KCNQ3: variants seen among roughly 807,000 people sequenced by gnomAD.
KCNQ3 encodes potassium voltage-gated channel subfamily Q member 3, also known as potassium voltage-gated channel subfamily KQT member 3.
In KCNQ3, 30 loss-of-function variants were observed where a neutral mutation model predicts 92.5. The ratio of observed to expected loss-of-function variants is 0.32; its 90% CI spans 0.24 to 0.44. KCNQ3 has a LOEUF of 0.44. KCNQ3 is among the 20% of genes least tolerant of loss of function. The pLI is 1.00. For missense variants in KCNQ3, 913 were observed against 1,140.3 expected, an observed-to-expected ratio of 0.80 and a Z score of 2.87; for synonymous variants, 450 against 468.8, an observed-to-expected ratio of 0.96 and a Z score of 0.52.
intron 1 of KCNQ3, among the ~76,000 whole-genome samples, chr8:132,410,572 C>T (rs994293256): frequency 2.6e-5 from 4 of 152,230 alleles, no homozygotes; most frequent in African/African-American, 9.6e-5. Flanking sequence ...GCCTGGCACA[C>T]AGTAAGTGCC....
chr8:132,229,253 T>G (rs903892380), intron 1 of KCNQ3, among the ~76,000 whole-genome samples: 54 of 128,464 alleles, frequency 4.2e-4, no homozygotes, highest in Non-Finnish European at 1.7e-5. Context: ...AGAGTGAGAC[T>G]CCGTCTCAAA....
At chr8:132,474,794 T>C (rs1257512751) in intron 1 of KCNQ3, among the ~76,000 whole-genome samples, 1 of 151,982 alleles carries the variant, frequency 6.6e-6, no homozygotes, top group Non-Finnish European at 1.5e-5. Flanking sequence ...ATCAATCAAA[T>C]GCGAGGTACA....
At chr8:132,416,242 A>G (rs1262775475) in intron 1 of KCNQ3, among the ~76,000 whole-genome samples, 1 of 152,216 alleles carries the variant, frequency 6.6e-6, no homozygotes, top group Non-Finnish European at 1.5e-5. Context: ...ATTTCTCTAA[A>G]CACCATCTCT....
intron 1 of KCNQ3, among the ~76,000 whole-genome samples, chr8:132,415,849 T>C (rs1258915883): frequency 6.6e-6 from 1 of 152,110 alleles, no homozygotes; most frequent in Non-Finnish European, 1.5e-5. Context: ...TTTCATGGGA[T>C]TAGGAAGAAA....
chr8:132,153,245 C>G (rs1261212209), intron 9 of KCNQ3, among the ~76,000 whole-genome samples: 1 of 152,154 alleles, frequency 6.6e-6, no homozygotes, highest in East Asian at 1.9e-4. Context: ...AAATAGAGTG[C>G]CCCTAACCCA....
intron 1 of KCNQ3, among the ~76,000 whole-genome samples, chr8:132,227,843 T>C (rs1047186635): frequency 2.4e-4 from 36 of 152,164 alleles, no homozygotes; most frequent in African/African-American, 8.4e-4. Flanking sequence ...TGGGAAGAGG[T>C]AGTCTTTCAC....
rs1418546444 is a variant in KCNQ3 at position 132,169,203 on chromosome 8, C to T, written c.1235+1131G>A. The stretch of plus-strand genomic sequence containing the variant: ...GGACTCTGGGCCACTGGCTCAGCCC[C>T]ACCCCAGGGGCTCCTGTTCAGGATG... On this transcript the variant is annotated intron_variant, in intron 8 of 14. Coordinates refer to ENST00000388996, the MANE Select transcript of KCNQ3 (RefSeq NM_004519.4). Among the ~76,000 whole-genome samples, 4 of 152,156 alleles carry T rather than the reference C, an allele frequency of 2.6e-5. No homozygotes were observed. In the East Asian group the frequency reaches 7.7e-4, roughly 29 times the overall value.
intron 1 of KCNQ3, among the ~76,000 whole-genome samples, chr8:132,449,639 T>C (rs1429313853): frequency 2.0e-5 from 3 of 152,150 alleles, no homozygotes; most frequent in Non-Finnish European, 4.4e-5. Context: ...GTCATGTGCT[T>C]ACTCCTGTAC....
chr8:132,466,760 A>C (rs983957374), intron 1 of KCNQ3, among the ~76,000 whole-genome samples: 2 of 152,174 alleles, frequency 1.3e-5, no homozygotes, highest in Non-Finnish European at 2.9e-5. Context: ...AGAGTGAAAA[A>C]ATCTTACTCT....
chr8:132,474,291 C>T (rs1212734615), intron 1 of KCNQ3, among the ~76,000 whole-genome samples: 5 of 152,156 alleles, frequency 3.3e-5, no homozygotes, highest in Non-Finnish European at 7.4e-5. Context: ...CTAAAAACCA[C>T]CCTGTGATAG....
At chr8:132,167,485 C>T (rs1826176097) in intron 8 of KCNQ3, among the ~76,000 whole-genome samples, 1 of 152,146 alleles carries the variant, frequency 6.6e-6, no homozygotes, top group Admixed American at 6.5e-5. Context: ...TTAAAACAAG[C>T]ATAAACAAAA....
intron 1 of KCNQ3, among the ~76,000 whole-genome samples, chr8:132,300,643 CTA>C (rs908173591): frequency 9.2e-5 from 14 of 152,142 alleles, no homozygotes; most frequent in African/African-American, 4.8e-5. Flanking sequence ...TGAGGAATAG[CTA>C]TGTTTTCCAA....
chr8:132,173,464 G>C (rs1395351937), intron 6 of KCNQ3, among the ~76,000 whole-genome samples: 1 of 152,130 alleles, frequency 6.6e-6, no homozygotes, highest in Admixed American at 6.5e-5. Context: ...CAAGCTTCAT[G>C]ATTAAGAGCC....
At chr8:132,132,776 G>A (rs1424272157) in intron 13 of KCNQ3, among the ~76,000 whole-genome samples, 3 of 152,196 alleles carry the variant, frequency 2.0e-5, no homozygotes, top group Non-Finnish European at 4.4e-5. Flanking sequence ...TGACACTGGT[G>A]AGGAATGGAA....
Position 132,480,399 on chromosome 8 carries a change from A to G in KCNQ3, c.134T>C (p.Leu45Pro), listed in dbSNP as rs769495455. The change falls in exon 1 of 15, where the codon CTG (leucine) becomes CCG (proline). Residue 45 changes from leucine (L) to proline (P), a missense_variant. Transcript: ENST00000388996. ...GACTTGCTCCACGTCGCCGGGCGCC[A>G]GCCCCACTTTCCGCTCCTCGTCGCC... ...AAGDEERKVG[L>P]APGDVEQVTL... The G allele has an allele frequency of 1.3e-6, 2 of 1,539,026 alleles. No individual in the cohort carries two copies. Among genetic ancestry groups the G allele is most frequent in the African/African-American group, 1.4e-5 (1 of 70,112 alleles).
intron 1 of KCNQ3, among the ~76,000 whole-genome samples, chr8:132,212,121 C>A (rs1018703277): frequency 6.6e-6 from 1 of 152,106 alleles, no homozygotes; most frequent in African/African-American, 2.4e-5. Flanking sequence ...AAACACAGAG[C>A]AGGTGCCCAC....
At chr8:132,219,730 A>G (rs1014530836) in intron 1 of KCNQ3, among the ~76,000 whole-genome samples, 1 of 152,114 alleles carries the variant, frequency 6.6e-6, no homozygotes, top group Non-Finnish European at 1.5e-5. Context: ...CAAGCCACTA[A>G]TCCTCTTGTC....
intron 1 of KCNQ3, among the ~76,000 whole-genome samples, chr8:132,239,203 A>G (rs957139417): frequency 1.3e-5 from 2 of 152,164 alleles, no homozygotes; most frequent in Non-Finnish European, 2.9e-5. Flanking sequence ...AAAGCTGCAA[A>G]TTCCAACACA....
chr8:132,378,695 G>A lies in KCNQ3; in HGVS notation c.386+101452C>T, dbSNP rs186824742. Reference sequence around the variant, plus strand: ...AGGTCCCTTCTGTTCCCAAAACATCGATCTTGACTAGGCCAGAGGAAGTCT... The same window carrying A: ...AGGTCCCTTCTGTTCCCAAAACATCAATCTTGACTAGGCCAGAGGAAGTCT... On this transcript the variant is annotated intron_variant, in intron 1 of 14. Coordinates refer to ENST00000388996, the MANE Select transcript of KCNQ3 (RefSeq NM_004519.4). Among the ~76,000 whole-genome samples the A allele has an allele frequency of 1.4e-4, 21 of 152,230 alleles. No individual in the cohort carries two copies. The East Asian group carries it at 2.7e-3, about 20-fold the overall frequency.
Sources: gnomAD v4.1 joint callset for allele counts (sites outside exome capture counted in the v4.1 genomes callset) on GRCh38, gnomAD v4.1.1 for gene constraint, MANE v1.5 for transcripts, NCBI Gene and HGNC (gene_info 2026-07-23, HGNC 2026-07-21) for gene names.